Variants in MCF2L2 observed in about 807,000 individuals in gnomAD.
MCF2L2 encodes probable guanine nucleotide exchange factor MCF2L2.
MCF2L2 carries 102 observed loss-of-function variants against 150.2 expected under a neutral mutation model. The observed-to-expected ratio is 0.68, with a 90% CI of 0.58 to 0.80. MCF2L2 has a LOEUF of 0.80. Among genes scored for constraint, MCF2L2 ranks in the 30% least tolerant of loss-of-function variants. The pLI is 0.00. For missense variants in MCF2L2, 1,256 were observed against 1,372.8 expected (o/e 0.91, Z 1.34); for synonymous variants, 465 against 491.3 (o/e 0.95, Z 0.71).
At chr3:183,409,107 A>C (rs187797907) in intron 1 of MCF2L2, among the ~76,000 whole-genome samples, 1 of 152,370 alleles carries the variant, frequency 6.6e-6, no homozygotes, top group Non-Finnish European at 1.5e-5. Context: ...TGCATGTTTA[A>C]AGACTACAAA....
intron 15 of MCF2L2, among the ~76,000 whole-genome samples, chr3:183,246,594 G>A (rs1242692780): frequency 1.3e-5 from 2 of 152,126 alleles, no homozygotes; most frequent in African/African-American, 4.8e-5. Flanking sequence ...TTCTGTTGAT[G>A]AACACCTGGG....
intron 15 of MCF2L2, chr3:183,253,823 T>G (rs1402036004): frequency 6.6e-6 from 1 of 152,238 alleles, no homozygotes; most frequent in Non-Finnish European, 1.5e-5. Flanking sequence ...GCGGAGTTAG[T>G]CTGTGGTCAG....
chr3:183,370,129 A>C (rs951962304), intron 3 of MCF2L2, among the ~76,000 whole-genome samples: 2 of 152,218 alleles, frequency 1.3e-5, no homozygotes, highest in African/African-American at 4.8e-5. Context: ...CTCCAAGCCG[A>C]AGATAGTTTA....
At chr3:183,203,000 G>T (rs1208875011) in intron 25 of MCF2L2, among the ~76,000 whole-genome samples, 1 of 152,194 alleles carries the variant, frequency 6.6e-6, no homozygotes, top group African/African-American at 2.4e-5. Context: ...CCAGAGGTCA[G>T]GAGTTTGAGA....
intron 7 of MCF2L2, among the ~76,000 whole-genome samples, chr3:183,313,100 G>A (rs1297238809): frequency 6.6e-6 from 1 of 152,194 alleles, no homozygotes; most frequent in Non-Finnish European, 1.5e-5. Context: ...GGTTGCAGAT[G>A]AATAAAGACA....
At chr3:183,326,382 C>T (rs1297132495) in intron 5 of MCF2L2, among the ~76,000 whole-genome samples, 2 of 149,606 alleles carry the variant, frequency 1.3e-5, no homozygotes, top group Non-Finnish European at 3.0e-5. Flanking sequence ...ATCCCAGCTG[C>T]TTGGGAGGCT....
chr3:183,216,588 T>A (rs1294743578), intron 21 of MCF2L2, among the ~76,000 whole-genome samples: 23 of 2,154 alleles, frequency 0.011, no homozygotes, highest in East Asian at 0.038. Flanking sequence ...ATATTTTTTT[T>A]TTTTTTTTTT....
intron 15 of MCF2L2, among the ~76,000 whole-genome samples, chr3:183,274,360 C>T (rs41418749): frequency 4.5e-4 from 69 of 152,222 alleles, no homozygotes; most frequent in African/African-American, 1.3e-3. Context: ...TTCTTTGACA[C>T]GGTTAGCTGT....
Position 183,372,297 on chromosome 3 carries a change from T to C in MCF2L2, c.275+7000A>G, listed in dbSNP as rs1256671387. ...TTCACAGGCCAAATAATAACACTAT[T>C]CTTCTCCTATTCCTTCCTAGAGTAC... On this transcript the variant is annotated intron_variant, in intron 3 of 29. Coordinates refer to ENST00000328913, the MANE Select transcript of MCF2L2 (RefSeq NM_015078.4). 3.3e-5 allele frequency: 5 copies of C among 152,164 alleles called. No homozygotes were observed. In the South Asian group the frequency reaches 1.0e-3, roughly 32 times the overall value. 9.4% of individuals were successfully genotyped at this position (152,164 alleles called of 1,614,324 possible).
chr3:183,379,302 G>A lies in MCF2L2; in HGVS notation c.270C>T (p.Ile90=), dbSNP rs200645140. 135 of 1,605,476 alleles carry A rather than the reference G, an allele frequency of 8.4e-5. 4 individuals are homozygous for A. In the South Asian group the frequency reaches 1.4e-3, roughly 17 times the overall value. The change falls in exon 3 of 30, where the codon ATC becomes ATT. Residue 90 remains isoleucine (I), a synonymous_variant. Coordinates refer to ENST00000328913, the MANE Select transcript of MCF2L2 (RefSeq NM_015078.4). Reference sequence around the variant, plus strand: ...GGACACTGTGCTCAGCTCACCTGGGGATGCTAGTCAGGTAGGTCATGACAT... The same window carrying A: ...GGACACTGTGCTCAGCTCACCTGGGAATGCTAGTCAGGTAGGTCATGACAT... ...FLNVMTYLTS[I]PSVEAASIGF...
intron 15 of MCF2L2, among the ~76,000 whole-genome samples, chr3:183,231,644 A>C (rs1723564898): frequency 6.6e-6 from 1 of 150,584 alleles, no homozygotes; most frequent in Non-Finnish European, 1.5e-5. Context: ...TTTTTGGTAG[A>C]GATGAGGTCT....
At chr3:183,296,073 C>A (rs578007572) in intron 12 of MCF2L2, 1 of 152,558 alleles carries the variant, frequency 6.6e-6, no homozygotes, top group Admixed American at 6.5e-5. Flanking sequence ...CAGAATTACA[C>A]AAACAGTTAG....
chr3:183,205,827 G>T, intron 25 of MCF2L2, 49 bp downstream of exon 25: 1 of 1,415,106 alleles, frequency 7.1e-7, no homozygotes, highest in Non-Finnish European at 1.0e-6. Flanking sequence ...CCCCCACTGA[G>T]CTGAAATCAG....
chr3:183,402,792 C>T (rs556530235), intron 1 of MCF2L2, among the ~76,000 whole-genome samples: 2 of 151,772 alleles, frequency 1.3e-5, no homozygotes, highest in Non-Finnish European at 2.9e-5. Flanking sequence ...AAGAGTGAGG[C>T]ATTGCCAATC....
Position 183,338,845 on chromosome 3 carries a change from G to A in MCF2L2, c.441C>T (p.Asp147=), listed in dbSNP as rs1276235130. 1 of 1,607,538 alleles carries A rather than the reference G, an allele frequency of 6.2e-7. No homozygotes were observed. Among genetic ancestry groups the A allele is most frequent in the Non-Finnish European group, 8.5e-7 (1 of 1,175,282 alleles). ...CATTTCGATAGTATTTAATGCCAAT[G>A]TCAGTGAATGTCCTCTGGATAAAGC... is the stretch of plus-strand genomic sequence containing the variant. ...PSRFIQRTFT[D]IGIKYYRNEF... is the part of the protein sequence containing the mutation. The change falls in exon 5 of 30, where the codon GAC becomes GAT. Residue 147 remains aspartate (D), a synonymous_variant. Coordinates refer to ENST00000328913, the MANE Select transcript of MCF2L2 (RefSeq NM_015078.4).
intron 27 of MCF2L2, among the ~76,000 whole-genome samples, chr3:183,191,210 G>A (rs1475942936): frequency 6.6e-6 from 1 of 152,150 alleles, no homozygotes; most frequent in Non-Finnish European, 1.5e-5. Flanking sequence ...TAGGTTCACA[G>A]AAAAACTGAG....
At chr3:183,329,018 C>T (rs1425221936) in intron 5 of MCF2L2, among the ~76,000 whole-genome samples, 1 of 152,056 alleles carries the variant, frequency 6.6e-6, no homozygotes, top group Non-Finnish European at 1.5e-5. Context: ...TAAAAAAATA[C>T]CCTCGTTTTT....
intron 2 of MCF2L2, among the ~76,000 whole-genome samples, chr3:183,380,251 A>G (rs1255239515): frequency 6.6e-6 from 1 of 152,122 alleles, no homozygotes; most frequent in East Asian, 1.9e-4. Context: ...ACAGTCCCCA[A>G]ACTGTGTCGC....
chr3:183,388,279 C>T (rs984705245), intron 2 of MCF2L2, among the ~76,000 whole-genome samples: 1 of 152,186 alleles, frequency 6.6e-6, no homozygotes, highest in Non-Finnish European at 1.5e-5. Flanking sequence ...TAGGAATCTA[C>T]CTGACCCCAG....
Sources: gnomAD v4.1 joint callset for allele counts (sites outside exome capture counted in the v4.1 genomes callset) on GRCh38, gnomAD v4.1.1 for gene constraint, MANE v1.5 for transcripts, NCBI Gene and HGNC (gene_info 2026-07-23, HGNC 2026-07-21) for gene names.